The following BAG3 variants were observed in gnomAD, a reference collection of about 807,000 sequenced individuals.
BAG3 encodes the protein BAG cochaperone 3.
In BAG3, 14 loss-of-function variants were observed where a neutral mutation model predicts 40.5. That is an observed-to-expected ratio of 0.35 (90% confidence interval 0.23 to 0.54). The LOEUF is 0.54. BAG3 is among the 20% of genes least tolerant of loss of function. The pLI is 0.91. For synonymous variants in BAG3, 302 were observed against 307.8 expected, an observed-to-expected ratio of 0.98 and a Z score of 0.20; for missense variants, 788 against 758.6, an observed-to-expected ratio of 1.04 and a Z score of -0.46.
chr10:119,673,230 C>G (rs1014605722), intron 3 of BAG3, among the ~76,000 whole-genome samples: 1 of 152,198 alleles, frequency 6.6e-6, no homozygotes, highest in Non-Finnish European at 1.5e-5. Flanking sequence ...TCATATGAGT[C>G]CCTTAATGAG....
chr10:119,673,809 G>A (rs540424563), intron 3 of BAG3, among the ~76,000 whole-genome samples: 21 of 152,196 alleles, frequency 1.4e-4, no homozygotes, highest in African/African-American at 4.1e-4. Flanking sequence ...GTCTGCATTC[G>A]CCTTGTCATT....
chr10:119,676,810 A>G lies in BAG3; in HGVS notation c.1256A>G (p.His419Arg). ...GGAGAAGCCGAGGCTCCCCCAAAAC[A>G]TCCAGGAGTGCTGAAAGTGGAAGCC... The part of the protein sequence containing the change: ...KPGEAEAPPK[H>R]PGVLKVEAIL... The change falls in exon 4 of 4, where the codon CAT becomes CGT. Residue 419 changes from histidine (H) to arginine (R), a missense_variant. Coordinates refer to ENST00000369085, the MANE Select transcript of BAG3 (RefSeq NM_004281.4). 3 of 1,614,068 alleles carry G rather than the reference A, an allele frequency of 1.9e-6. No individual in the cohort carries two copies. Among genetic ancestry groups the G allele is most frequent in the Non-Finnish European group, 2.5e-6 (3 of 1,180,004 alleles).
chr10:119,659,216 A>G (rs1361831212), intron 1 of BAG3, among the ~76,000 whole-genome samples: 1 of 152,144 alleles, frequency 6.6e-6, no homozygotes, highest in Admixed American at 6.5e-5. Flanking sequence ...GCGTCCATAG[A>G]TGCATCTCCC....
intron 1 of BAG3, among the ~76,000 whole-genome samples, chr10:119,661,398 CTT>C (rs1846990408): frequency 6.6e-6 from 1 of 152,162 alleles, no homozygotes; most frequent in East Asian, 1.9e-4. Context: ...ATATGGGGAT[CTT>C]TACAGCTGCG....
chr10:119,668,658 G>A (rs1408896704), intron 1 of BAG3, among the ~76,000 whole-genome samples: 1 of 152,202 alleles, frequency 6.6e-6, no homozygotes, highest in African/African-American at 2.4e-5. Context: ...TGGTACATCT[G>A]GAACTTGGCC....
intron 1 of BAG3, among the ~76,000 whole-genome samples, chr10:119,668,233 T>G (rs1847093493): frequency 6.6e-6 from 1 of 152,354 alleles, no homozygotes; most frequent in African/African-American, 2.4e-5. Context: ...TTGATGGGCC[T>G]GAAAGGGCTA....
intron 3 of BAG3, among the ~76,000 whole-genome samples, chr10:119,675,778 T>TCCTTCCCTCCTTCCCTCCTTCCCTCC: frequency 1.6e-5 from 1 of 61,484 alleles, no homozygotes; most frequent in Non-Finnish European, 3.2e-5. Flanking sequence ...CCTCCTTCCC[T>TCCTTCCCTCCTTCCCTCCTTCCCTCC]CCCCCTCCCT....
chr10:119,662,027 C>T (rs1343699700), intron 1 of BAG3, among the ~76,000 whole-genome samples: 1 of 152,132 alleles, frequency 6.6e-6, no homozygotes, highest in Non-Finnish European at 1.5e-5. Context: ...TGAAGCTCGA[C>T]TCCAGTTGCA....
At position 119,669,838 on chromosome 10, in the gene BAG3, C is replaced by T; in HGVS notation, c.181-13C>T. On this transcript the variant is annotated splice_polypyrimidine_tract_variant and intron_variant, in intron 1 of 3. Transcript: ENST00000369085. ...TTTCTAACCAGCCTGTGTTTCTCCA[C>T]TTTTTATTTCAGGAGACTCCATCCT... 6.2e-7 allele frequency: 1 copy of T among 1,613,274 alleles called. No individual in the cohort carries two copies. The highest frequency in any genetic ancestry group is 8.5e-7 in the Non-Finnish European group (1 of 1,179,300).
At position 119,677,382 on chromosome 10, in the gene BAG3, C is replaced by G. The variant is rs1175861248; in HGVS notation, c.*100C>G. The G allele has an allele frequency of 2.7e-6, 4 of 1,472,556 alleles. No individual in the cohort carries two copies. In the African/African-American group the frequency reaches 5.6e-5, roughly 21 times the overall value. The allele number at this position is 1,472,556 out of a possible 1,614,324, so 91.2% of individuals were successfully genotyped here. The stretch of plus-strand genomic sequence containing the variant: ...CTTTAAGTCAGTTGGTTTTTATTAG[C>G]TGCTTGGTATGCAGTAACTTGGGTG... On this transcript the variant is annotated 3_prime_UTR_variant, in exon 4 of 4. Coordinates refer to ENST00000369085, the MANE Select transcript of BAG3 (RefSeq NM_004281.4).
chr10:119,661,350 A>C (rs1319463715), intron 1 of BAG3, among the ~76,000 whole-genome samples: 1 of 152,148 alleles, frequency 6.6e-6, no homozygotes, highest in Non-Finnish European at 1.5e-5. Context: ...CTTATTTCGT[A>C]CCTTATTTCA....
intron 1 of BAG3, among the ~76,000 whole-genome samples, chr10:119,655,137 A>T (rs1037200592): frequency 6.6e-6 from 1 of 152,210 alleles, no homozygotes; most frequent in Non-Finnish European, 1.5e-5. Flanking sequence ...CCTCCTGAAC[A>T]TCTATCCTGC....
chr10:119,663,864 A>G (rs1489870528), intron 1 of BAG3, among the ~76,000 whole-genome samples: 1 of 152,094 alleles, frequency 6.6e-6, no homozygotes, highest in African/African-American at 2.4e-5. Flanking sequence ...TCACACACCT[A>G]CGGAATCAGA....
intron 1 of BAG3, among the ~76,000 whole-genome samples, chr10:119,657,048 A>G (rs1485135906): frequency 6.6e-6 from 1 of 151,796 alleles, no homozygotes; most frequent in Non-Finnish European, 1.5e-5. Flanking sequence ...GCTGCTTTAT[A>G]CTCCCCAGGC....
chr10:119,675,840 C>CTCCTTCCCTCCT (rs1554877635), intron 3 of BAG3, among the ~76,000 whole-genome samples: 2 of 46,862 alleles, frequency 4.3e-5, no homozygotes, highest in Non-Finnish European at 8.1e-5. Context: ...TCCCCCTTCC[C>CTCCTTCCCTCCT]TCCTTCCTTC....
chr10:119,677,155 A>G lies in BAG3; in HGVS notation c.1601A>G (p.Lys534Arg), dbSNP rs2134069486. The change falls in exon 4 of 4, where the codon AAG becomes AGG. Residue 534 changes from lysine (K) to arginine (R), a missense_variant. Physicochemically the swap from Lys to Arg is conservative, Grantham distance 26. Transcript: ENST00000369085. Reference protein sequence around the residue: ...IMEMGAVAADKGKKNAGNAED... With the variant: ...IMEMGAVAADRGKKNAGNAED... Reference sequence around the variant, plus strand: ...GAGATGGGTGCCGTGGCAGCAGACAAGGGCAAGAAAAATGCTGGAAATGCA... The same window carrying G: ...GAGATGGGTGCCGTGGCAGCAGACAGGGGCAAGAAAAATGCTGGAAATGCA... The G allele has an allele frequency of 2.5e-6, 4 of 1,614,154 alleles. No homozygotes were observed. In the Admixed American group the frequency reaches 5.0e-5, roughly 20 times the overall value.
chr10:119,670,929 A>G (rs909024601), intron 2 of BAG3, among the ~76,000 whole-genome samples: 1 of 152,170 alleles, frequency 6.6e-6, no homozygotes, highest in Admixed American at 6.5e-5. Context: ...TCCTGGGCAC[A>G]AACTCCCGTG....
rs1847188408 is a variant in BAG3, at chr10:119,674,128, G to A, written c.909+1472G>A. ...TCCCTCAGCCTTTCTTTGCTTTCACGGCCTTGACGGTTTTGAAGAACACAG... is the reference window on the plus strand; with the variant it reads ...TCCCTCAGCCTTTCTTTGCTTTCACAGCCTTGACGGTTTTGAAGAACACAG... On this transcript the variant is annotated intron_variant, in intron 3 of 3. Coordinates refer to ENST00000369085, the MANE Select transcript of BAG3 (RefSeq NM_004281.4). 2.0e-5 allele frequency among the ~76,000 whole-genome samples: 3 copies of A among 152,160 alleles called. No individual in the cohort carries two copies. The South Asian group carries it at 6.2e-4, about 32-fold the overall frequency.
chr10:119,656,374 CCTT>C (rs1846910497), intron 1 of BAG3, among the ~76,000 whole-genome samples: 3 of 149,078 alleles, frequency 2.0e-5, no homozygotes, highest in Non-Finnish European at 4.4e-5. Flanking sequence ...ACTCAGCTGG[CCTT>C]CTTTTTTTTT....
Sources: allele counts gnomAD v4.1 joint callset (sites outside exome capture counted in the v4.1 genomes callset), GRCh38; gene constraint gnomAD v4.1.1; transcripts MANE v1.5; gene names NCBI Gene and HGNC (gene_info 2026-07-23, HGNC 2026-07-21).